The following DNM3 variants were observed in gnomAD, a reference collection of about 807,000 sequenced individuals.
DNM3 encodes dynamin 3.
Under a neutral mutation model 101.6 loss-of-function variants are expected in DNM3, and 47 were observed. The observed-to-expected ratio is 0.46, with a 90% CI of 0.37 to 0.59. DNM3 has a LOEUF of 0.59. DNM3 is among the 20% of genes least tolerant of loss of function. DNM3 has a pLI of 0.00. For missense variants in DNM3, 849 were observed against 1,085.7 expected (o/e 0.78, Z 3.06); for synonymous variants, 385 against 387.9 (o/e 0.99, Z 0.09).
At chr1:172,389,931 G>A (rs1307216801) in intron 20 of DNM3, among the ~76,000 whole-genome samples, 2 of 152,184 alleles carry the variant, frequency 1.3e-5, no homozygotes, top group African/African-American at 4.8e-5. Flanking sequence ...GGTTACTGAA[G>A]GTCTTGGGCA....
chr1:172,274,870 A>T (rs2148762454), intron 15 of DNM3, among the ~76,000 whole-genome samples: 1 of 152,070 alleles, frequency 6.6e-6, no homozygotes, highest in African/African-American at 2.4e-5. Flanking sequence ...AACAAGACAG[A>T]CTAGTCCACT....
At chr1:172,394,149 G>A (rs1002251988) in intron 20 of DNM3, 1 of 152,150 alleles carries the variant, frequency 6.6e-6, no homozygotes, top group Non-Finnish European at 1.5e-5. Context: ...TTCAAGTCTT[G>A]GTTTCAATCT....
At chr1:171,997,817 A>G (rs149816866) in intron 4 of DNM3, among the ~76,000 whole-genome samples, 95 of 152,224 alleles carry the variant, frequency 6.2e-4, no homozygotes, top group African/African-American at 2.2e-3. Flanking sequence ...CCATTCTAAA[A>G]AATAGGCTAT....
At chr1:172,348,953 C>G (rs111292344) in intron 17 of DNM3, among the ~76,000 whole-genome samples, 10,178 of 152,200 alleles carry the variant, frequency 0.067, 394 homozygotes, top group South Asian at 0.15. Context: ...CCATCGTCTT[C>G]CCAGTAGCAT....
At chr1:172,004,086 T>G (rs2046521341) in intron 4 of DNM3, among the ~76,000 whole-genome samples, 1 of 151,932 alleles carries the variant, frequency 6.6e-6, no homozygotes, top group South Asian at 2.1e-4. Context: ...TTGAGGATAT[T>G]GGCAAAATAA....
Position 171,984,960 on chromosome 1 carries a change from T to C in DNM3, c.236-2696T>C, listed in dbSNP as rs117807041. ...ATCTCTTGATTCCAAGATAAAAGTA[T>C]TTTCAAGAGTTTGAGAACTCATTTA... On this transcript the variant is annotated intron_variant, in intron 2 of 20. Transcript: ENST00000627582. 1.6e-3 allele frequency among the ~76,000 whole-genome samples: 237 copies of C among 152,350 alleles called. 1 individual carries two copies. In the East Asian group the frequency reaches 0.037, roughly 24 times the overall value.
At chr1:171,960,540 T>C (rs2043150437) in intron 2 of DNM3, among the ~76,000 whole-genome samples, 4 of 152,220 alleles carry the variant, frequency 2.6e-5, no homozygotes, top group African/African-American at 9.6e-5. Flanking sequence ...TCTTGAAGGC[T>C]CTGCCATCAT....
chr1:171,865,385 T>A (rs932431240), intron 1 of DNM3, among the ~76,000 whole-genome samples: 1 of 151,716 alleles, frequency 6.6e-6, no homozygotes. Flanking sequence ...GGTATAGTGG[T>A]GCATGCCTGT....
At chr1:172,276,927 C>T (rs192005393) in intron 15 of DNM3, among the ~76,000 whole-genome samples, 5 of 151,884 alleles carry the variant, frequency 3.3e-5, no homozygotes, top group Admixed American at 2.6e-4. Context: ...TTTCAAATAG[C>T]CATTGACAAA....
chr1:172,066,836 T>C (rs1008108208), intron 10 of DNM3, among the ~76,000 whole-genome samples: 1 of 152,182 alleles, frequency 6.6e-6, no homozygotes, highest in African/African-American at 2.4e-5. Context: ...AGGTAGTTTA[T>C]AGTTTGTTTA....
In DNM3 at chr1:172,245,991, G is replaced by A. The variant is rs575023210; in HGVS notation, c.1660-7582G>A. Among the ~76,000 whole-genome samples the A allele has an allele frequency of 7.8e-4, 118 of 152,236 alleles. 1 individual carries two copies. The South Asian group carries it at 0.011, about 14-fold the overall frequency. ...GAGGCCTCAAGATATTTACAGTCACGGCTAAAGGTGAAGAGGGAGCAAGCA... is the reference window on the plus strand; with the variant it reads ...GAGGCCTCAAGATATTTACAGTCACAGCTAAAGGTGAAGAGGGAGCAAGCA... On this transcript the variant is annotated intron_variant, in intron 14 of 20. Coordinates refer to ENST00000627582, the MANE Select transcript of DNM3 (RefSeq NM_015569.5).
intron 1 of DNM3, among the ~76,000 whole-genome samples, chr1:171,903,785 T>G (rs558331495): frequency 5.3e-5 from 8 of 152,274 alleles, no homozygotes; most frequent in African/African-American, 1.9e-4. Context: ...TAACCTAAAC[T>G]GGAAAGACAT....
chr1:172,348,974 C>T (rs114118191), intron 17 of DNM3, among the ~76,000 whole-genome samples: 2,836 of 152,202 alleles, frequency 0.019, 98 homozygotes, highest in African/African-American at 0.064. Flanking sequence ...TGTCAGTAAA[C>T]GAATAATGTA....
At chr1:171,915,426 C>A (rs935139060) in intron 1 of DNM3, among the ~76,000 whole-genome samples, 5 of 151,984 alleles carry the variant, frequency 3.3e-5, no homozygotes, top group Non-Finnish European at 7.4e-5. Context: ...GAGTGGTGAT[C>A]CAAATAGACA....
At chr1:171,843,473 G>A (rs779142605) in intron 1 of DNM3, among the ~76,000 whole-genome samples, 1 of 152,064 alleles carries the variant, frequency 6.6e-6, no homozygotes, top group African/African-American at 2.4e-5. Flanking sequence ...CAAAGCCAGG[G>A]CATTTTTGTC....
chr1:172,278,584 A>AT (rs1454684985), intron 15 of DNM3, among the ~76,000 whole-genome samples: 2 of 152,042 alleles, frequency 1.3e-5, no homozygotes, highest in Non-Finnish European at 2.9e-5. Flanking sequence ...CTCACTATAC[A>AT]TTTTTTGCCA....
At position 172,132,439 on chromosome 1, in the gene DNM3, T is replaced by C. The variant is rs532645347; in HGVS notation, c.1659+1151T>C. ...TCAAAAGTAGATTTGGTCACTGTGA[T>C]AGTATGAGGGTTAGCAGTGGTTTCT... On this transcript the variant is annotated intron_variant, in intron 14 of 20. Coordinates refer to ENST00000627582, the MANE Select transcript of DNM3 (RefSeq NM_015569.5). 1.3e-3 allele frequency among the ~76,000 whole-genome samples: 195 copies of C among 152,286 alleles called. 1 individual carries two copies. Among genetic ancestry groups the C allele is most frequent in the African/African-American group, 4.5e-3 (187 of 41,568 alleles).
intron 2 of DNM3, among the ~76,000 whole-genome samples, chr1:171,975,079 C>A (rs1185732845): frequency 1.3e-5 from 2 of 151,866 alleles, no homozygotes; most frequent in East Asian, 3.9e-4. Context: ...CTGGTCTTGA[C>A]CTCCTGGCCT....
At chr1:172,056,990 A>C (rs2050692011) in intron 10 of DNM3, among the ~76,000 whole-genome samples, 2 of 152,110 alleles carry the variant, frequency 1.3e-5, no homozygotes, top group Non-Finnish European at 2.9e-5. Flanking sequence ...AATACAGAGA[A>C]GTGCTTAAAG....
Sources: allele counts gnomAD v4.1 joint callset (sites outside exome capture counted in the v4.1 genomes callset), GRCh38; gene constraint gnomAD v4.1.1; transcripts MANE v1.5; gene names NCBI Gene and HGNC (gene_info 2026-07-23, HGNC 2026-07-21).